KCNT2: variants seen among roughly 807,000 people sequenced by gnomAD.
The protein encoded by KCNT2 is potassium sodium-activated channel subfamily T member 2.
Under a neutral mutation model 153.8 loss-of-function variants are expected in KCNT2, and 67 were observed. The ratio of observed to expected loss-of-function variants is 0.44; its 90% confidence interval spans 0.36 to 0.53. The LOEUF is 0.53. Among genes scored for constraint, KCNT2 ranks in the 20% least tolerant of loss-of-function variants. KCNT2 has a pLI of 0.00. For missense variants in KCNT2, 975 were observed against 1,354.8 expected, an observed-to-expected ratio of 0.72 and a Z score of 4.40; for synonymous variants, 500 against 458.8, an observed-to-expected ratio of 1.09 and a Z score of -1.15.
chr1:196,468,503 C>A (rs1677804993), intron 6 of KCNT2, among the ~76,000 whole-genome samples: 1 of 152,048 alleles, frequency 6.6e-6, no homozygotes, highest in South Asian at 2.1e-4. Context: ...CATCATGGAA[C>A]TGATAACACA....
At chr1:196,436,994 T>G (rs1036533204) in intron 8 of KCNT2, among the ~76,000 whole-genome samples, 2 of 91,464 alleles carry the variant, frequency 2.2e-5, no homozygotes, top group African/African-American at 7.7e-5. Context: ...AATATTGTTT[T>G]GTGACTGGGA....
At chr1:196,323,139 T>C (rs916632004) in intron 19 of KCNT2, among the ~76,000 whole-genome samples, 1 of 151,914 alleles carries the variant, frequency 6.6e-6, no homozygotes, top group Non-Finnish European at 1.5e-5. Context: ...AATTTAGAAC[T>C]TAGATCTGAA....
chr1:196,326,250 G>A (rs777731950), intron 19 of KCNT2, among the ~76,000 whole-genome samples: 3 of 151,976 alleles, frequency 2.0e-5, no homozygotes, highest in Non-Finnish European at 4.4e-5. Context: ...TAGAATGTAT[G>A]GTTTAACAGT....
At chr1:196,536,413 G>A (rs1655576388) in intron 1 of KCNT2, among the ~76,000 whole-genome samples, 1 of 152,184 alleles carries the variant, frequency 6.6e-6, no homozygotes, top group Non-Finnish European at 1.5e-5. Flanking sequence ...ATTGCTTTGA[G>A]TTCAGCCCAT....
chr1:196,418,560 T>G (rs1672938255), intron 12 of KCNT2, among the ~76,000 whole-genome samples: 3 of 152,036 alleles, frequency 2.0e-5, no homozygotes, highest in African/African-American at 7.2e-5. Context: ...CTGGAATTTC[T>G]AGGACAAGGT....
intron 13 of KCNT2, among the ~76,000 whole-genome samples, chr1:196,387,611 A>G (rs755615232): frequency 2.0e-5 from 3 of 151,906 alleles, no homozygotes; most frequent in Non-Finnish European, 2.9e-5. Flanking sequence ...AATGTTTGGC[A>G]TTCTGTGTGT....
chr1:196,437,960 C>A (rs934390479), intron 8 of KCNT2, among the ~76,000 whole-genome samples: 1 of 151,372 alleles, frequency 6.6e-6, no homozygotes, highest in African/African-American at 2.4e-5. Context: ...TTTACTATTA[C>A]TAATAATATC....
intron 8 of KCNT2, among the ~76,000 whole-genome samples, chr1:196,432,550 C>A (rs74375964): frequency 6.6e-6 from 1 of 152,148 alleles, no homozygotes; most frequent in East Asian, 1.9e-4. Flanking sequence ...AAAGTATTCT[C>A]AAACCTCAGG....
At chr1:196,352,327 T>A (rs1666784907) in intron 14 of KCNT2, among the ~76,000 whole-genome samples, 1 of 152,008 alleles carries the variant, frequency 6.6e-6, no homozygotes, top group African/African-American at 2.4e-5. Context: ...TGTGAATCCA[T>A]CTGGTCCTGG....
rs16840189 is a variant in KCNT2 at position 196,582,088 on chromosome 1, C to T, written c.95+26127G>A. Among the ~76,000 whole-genome samples the T allele has an allele frequency of 8.8e-3, 1,343 of 152,174 alleles. 25 individuals carry two copies. The highest frequency in any genetic ancestry group is 0.031 in the African/African-American group (1,294 of 41,528). On this transcript the variant is annotated intron_variant, in intron 1 of 27. Coordinates refer to ENST00000294725, the MANE Select transcript of KCNT2 (RefSeq NM_198503.5). ...AACTTCTCTCCATATGCCAGTACAACGCCAACTTTTTTAGGAAAATCAACA... is the reference window on the plus strand; with the variant it reads ...AACTTCTCTCCATATGCCAGTACAATGCCAACTTTTTTAGGAAAATCAACA...
intron 1 of KCNT2, among the ~76,000 whole-genome samples, chr1:196,594,951 T>C (rs922117963): frequency 2.6e-5 from 4 of 152,176 alleles, no homozygotes; most frequent in Non-Finnish European, 5.9e-5. Flanking sequence ...CGGCATACCA[T>C]AGGTTTTTAA....
At chr1:196,253,172 C>A (rs529395250) in intron 26 of KCNT2, among the ~76,000 whole-genome samples, 2 of 151,408 alleles carry the variant, frequency 1.3e-5, no homozygotes, top group South Asian at 4.1e-4. Flanking sequence ...TTTTGGAGTC[C>A]AGTTACATGC....
chr1:196,385,444 T>C (rs1461709185), intron 13 of KCNT2, among the ~76,000 whole-genome samples: 2 of 152,128 alleles, frequency 1.3e-5, no homozygotes, highest in Admixed American at 6.6e-5. Context: ...TGCAGTATAT[T>C]GTTGACTGAG....
chr1:196,308,325 C>G (rs140789459), intron 21 of KCNT2, among the ~76,000 whole-genome samples: 4 of 151,926 alleles, frequency 2.6e-5, no homozygotes, highest in African/African-American at 9.7e-5. Context: ...GCTGAGGGTG[C>G]CTGTCTCAAC....
chr1:196,524,000 CAA>C (rs1191786107), intron 1 of KCNT2, among the ~76,000 whole-genome samples: 1 of 152,146 alleles, frequency 6.6e-6, no homozygotes, highest in African/African-American at 2.4e-5. Context: ...TCAGATAGCA[CAA>C]AGACTCTATG....
At chr1:196,279,220 G>T (rs1333551393) in intron 25 of KCNT2, among the ~76,000 whole-genome samples, 1 of 152,180 alleles carries the variant, frequency 6.6e-6, no homozygotes, top group Non-Finnish European at 1.5e-5. Context: ...AAATAATATT[G>T]TTTTGAATCC....
At chr1:196,573,298 TTG>T (rs922901570) in intron 1 of KCNT2, among the ~76,000 whole-genome samples, 2 of 151,918 alleles carry the variant, frequency 1.3e-5, no homozygotes. Flanking sequence ...ATAAAGATAT[TTG>T]TGTGTGTGTG....
intron 16 of KCNT2, among the ~76,000 whole-genome samples, chr1:196,336,470 A>C (rs925703988): frequency 1.3e-5 from 2 of 152,268 alleles, no homozygotes; most frequent in African/African-American, 4.8e-5. Flanking sequence ...TCCATGGCCT[A>C]TAATTATATA....
At chr1:196,451,011 G>A (rs1456704407) in intron 8 of KCNT2, among the ~76,000 whole-genome samples, 1 of 151,254 alleles carries the variant, frequency 6.6e-6, no homozygotes, top group East Asian at 2.0e-4. Flanking sequence ...CTCCATCCTC[G>A]CCACAGATTT....
Sources: allele counts gnomAD v4.1 joint callset (sites outside exome capture counted in the v4.1 genomes callset), GRCh38; gene constraint gnomAD v4.1.1; transcripts MANE v1.5; gene names NCBI Gene and HGNC (gene_info 2026-07-23, HGNC 2026-07-21).